ACYP2: variants seen among roughly 807,000 people sequenced by gnomAD.
ACYP2 encodes acylphosphatase-2.
In ACYP2, 12 loss-of-function variants were observed where a neutral mutation model predicts 11.2. The observed-to-expected ratio is 1.08, with a 90% confidence interval of 0.69 to 1.74. ACYP2 has a LOEUF of 1.74. ACYP2 is among the 40% of genes most tolerant of loss of function. ACYP2 has a pLI of 0.00. For missense variants in ACYP2, 134 were observed against 101.9 expected, an observed-to-expected ratio of 1.31 and a Z score of -1.35; for synonymous variants, 43 against 32.2, an observed-to-expected ratio of 1.33 and a Z score of -1.13.
At chr2:54,105,648 C>T (rs965740718) in intron 4 of ACYP2, among the ~76,000 whole-genome samples, 5 of 151,906 alleles carry the variant, frequency 3.3e-5, no homozygotes, top group Admixed American at 2.6e-4. Flanking sequence ...AGCCAAACCA[C>T]CATGTCTGGC....
At chr2:54,248,046 G>A (rs377165203) in intron 6 of ACYP2, among the ~76,000 whole-genome samples, 1 of 152,110 alleles carries the variant, frequency 6.6e-6, no homozygotes, top group South Asian at 2.1e-4. Flanking sequence ...CTGTAATAAA[G>A]CCTGTTGTTT....
intron 4 of ACYP2, among the ~76,000 whole-genome samples, chr2:54,102,171 TGC>T (rs1205702236): frequency 2.0e-5 from 3 of 152,230 alleles, no homozygotes; most frequent in Non-Finnish European, 4.4e-5. Context: ...ACGCCAGCAG[TGC>T]GTGAGAGTCT....
chr2:54,092,412 G>T (rs1221443677), intron 4 of ACYP2, among the ~76,000 whole-genome samples: 1 of 152,302 alleles, frequency 6.6e-6, no homozygotes, highest in East Asian at 1.9e-4. Flanking sequence ...CTCCTGCCCA[G>T]TTGTGATGGT....
In ACYP2 at chr2:54,091,142, A is replaced by G. The variant is rs1400855476; in HGVS notation, c.277+33782A>G. Among the ~76,000 whole-genome samples, 3 of 152,190 alleles carry G rather than the reference A, an allele frequency of 2.0e-5. No individual in the cohort carries two copies. In the South Asian group the frequency reaches 6.2e-4, roughly 31 times the overall value. ...AAGGGGTTATTTTATGTCTTAACTC[A>G]ACATTTCAAAGCAGCTCAAAGGAGT... On this transcript the variant is annotated intron_variant, in intron 4 of 6. Coordinates refer to ENST00000607452, the MANE Select transcript of ACYP2 (RefSeq NM_001320586.2).
chr2:54,096,160 G>A (rs1274526989), intron 4 of ACYP2, among the ~76,000 whole-genome samples: 47 of 146,038 alleles, frequency 3.2e-4, no homozygotes, highest in East Asian at 2.1e-4. Flanking sequence ...CTCGGACGGG[G>A]CGGCTGCCGG....
intron 6 of ACYP2, chr2:54,256,088 G>A (rs1448605722): frequency 3.1e-6 from 5 of 1,614,086 alleles, no homozygotes; most frequent in Non-Finnish European, 4.2e-6. Flanking sequence ...CTCTGGCCCT[G>A]GTGCGGGTCT....
intron 4 of ACYP2, among the ~76,000 whole-genome samples, chr2:54,068,868 T>C (rs1285436014): frequency 2.0e-5 from 3 of 151,994 alleles, no homozygotes; most frequent in Non-Finnish European, 2.9e-5. Flanking sequence ...TATAATGAAA[T>C]TTCATCTTTT....
At chr2:53,998,338 G>T (rs934924106) in intron 2 of ACYP2, among the ~76,000 whole-genome samples, 12 of 152,184 alleles carry the variant, frequency 7.9e-5, no homozygotes, top group African/African-American at 2.7e-4. Flanking sequence ...GAATAAATCT[G>T]TATGATAACT....
intron 4 of ACYP2, among the ~76,000 whole-genome samples, chr2:54,112,461 G>C (rs938244871): frequency 5.9e-5 from 9 of 152,138 alleles, no homozygotes; most frequent in Admixed American, 2.6e-4. Context: ...TATATATCAA[G>C]AACAATACAT....
intron 6 of ACYP2, among the ~76,000 whole-genome samples, chr2:54,224,376 G>A (rs1404017147): frequency 6.6e-6 from 1 of 152,220 alleles, no homozygotes; most frequent in African/African-American, 2.4e-5. Context: ...GCAGAGAAAG[G>A]ATGCGGGGGT....
At chr2:54,001,070 C>T (rs933940351) in intron 2 of ACYP2, among the ~76,000 whole-genome samples, 2 of 152,128 alleles carry the variant, frequency 1.3e-5, no homozygotes, top group African/African-American at 4.8e-5. Flanking sequence ...ATTTTGATTC[C>T]TTGGCTTAGT....
At chr2:54,142,296 CA>C (rs1681651483) in intron 6 of ACYP2, 4 of 175,230 alleles carry the variant, frequency 2.3e-5, no homozygotes, top group African/African-American at 9.4e-5. Flanking sequence ...ATTAATGGAC[CA>C]ATATGGATAC....
intron 4 of ACYP2, among the ~76,000 whole-genome samples, chr2:54,110,743 G>A (rs1261900744): frequency 6.6e-6 from 1 of 152,088 alleles, no homozygotes; most frequent in Non-Finnish European, 1.5e-5. Flanking sequence ...CCGTGGGAGA[G>A]AGAAGCAAGG....
intron 2 of ACYP2, among the ~76,000 whole-genome samples, chr2:53,985,952 A>G (rs557707888): frequency 3.7e-4 from 56 of 152,234 alleles, no homozygotes; most frequent in African/African-American, 1.3e-3. Flanking sequence ...CCTGGCCAAC[A>G]TGGTGAAACC....
At chr2:54,167,031 A>G (rs1246142596) in intron 6 of ACYP2, 1 of 150,866 alleles carries the variant, frequency 6.6e-6, no homozygotes, top group Non-Finnish European at 1.5e-5. Context: ...GCTTCAGGCA[A>G]TTCCATTTGA....
chr2:54,229,217 T>C (rs888033429), intron 6 of ACYP2, among the ~76,000 whole-genome samples: 6 of 152,230 alleles, frequency 3.9e-5, no homozygotes, highest in Non-Finnish European at 8.8e-5. Context: ...CATGGCATCA[T>C]GTAGCAGTGA....
chr2:53,992,074 C>CCCTT (rs57380456), intron 2 of ACYP2, among the ~76,000 whole-genome samples: 3,602 of 148,376 alleles, frequency 0.024, 151 homozygotes, highest in African/African-American at 0.086. Context: ...TCCTTTTTTC[C>CCCTT]CCTTCCTTCC....
chr2:53,975,475 C>A (rs916905640), intron 2 of ACYP2: 2 of 387,070 alleles, frequency 5.2e-6, no homozygotes, highest in African/African-American at 4.1e-5. Context: ...GGTGGATTTT[C>A]TCTTCTCAGT....
chr2:54,119,131 C>G (rs1679995488), intron 4 of ACYP2, among the ~76,000 whole-genome samples: 2 of 136,112 alleles, frequency 1.5e-5, no homozygotes, highest in Non-Finnish European at 3.0e-5. Flanking sequence ...CTCACTGCAG[C>G]CTTGAGCTCC....
Sources: gnomAD v4.1 joint callset for allele counts (sites outside exome capture counted in the v4.1 genomes callset) on GRCh38, gnomAD v4.1.1 for gene constraint, MANE v1.5 for transcripts, NCBI Gene and HGNC (gene_info 2026-07-23, HGNC 2026-07-21) for gene names.